Variants in KCNIP2 observed in about 807,000 individuals in gnomAD.
KCNIP2 encodes the protein potassium voltage-gated channel interacting protein 2, also known as A-type potassium channel modulatory protein KCNIP2.
Under a neutral mutation model 39.0 loss-of-function variants are expected in KCNIP2, and 19 were observed. The observed-to-expected ratio is 0.49, with a 90% CI of 0.34 to 0.71. The LOEUF (loss-of-function observed/expected upper bound fraction) is 0.71, where lower values mean the gene tolerates loss of function less well. Ranked by LOEUF, KCNIP2 falls within the 30% of genes least tolerant of loss-of-function variation. KCNIP2 has a pLI of 0.01. For synonymous variants in KCNIP2, 111 were observed against 131.2 expected (o/e 0.85, Z 1.05); for missense variants, 261 against 346.0 (o/e 0.75, Z 1.95).
intron 1 of KCNIP2, among the ~76,000 whole-genome samples, chr10:101,835,491 G>A (rs749318923): frequency 2.0e-5 from 3 of 152,116 alleles, no homozygotes; most frequent in African/African-American, 4.8e-5. Flanking sequence ...TATGTGGCTG[G>A]GACCTCATCC....
chr10:101,828,020 C>G lies in KCNIP2; in HGVS notation c.598-27G>C, dbSNP rs768461287. 6.3e-7 allele frequency: 1 copy of G among 1,593,630 alleles called. No individual in the cohort carries two copies. Among genetic ancestry groups the G allele is most frequent in the Non-Finnish European group, 8.6e-7 (1 of 1,161,332 alleles). On this transcript the variant is annotated intron_variant, in intron 7 of 9. Coordinates refer to ENST00000356640, the MANE Select transcript of KCNIP2 (RefSeq NM_173191.3). This position sits in a 1 kb window ranked among gnomAD's most constrained non-coding sequence, Gnocchi z 6.6. ...TGTTAGGCCAAGAGAGAAGAGGATCCTTCCTCAGAGCCTCCAGCCTCCCTT... is the reference window on the plus strand; with the variant it reads ...TGTTAGGCCAAGAGAGAAGAGGATCGTTCCTCAGAGCCTCCAGCCTCCCTT...
At chr10:101,834,404 G>C in intron 1 of KCNIP2, 1 of 399,148 alleles carries the variant, frequency 2.5e-6, no homozygotes. Context: ...CAGGGCCCAG[G>C]TTCAGATACG....
chr10:101,829,755 CCAACGTCCAGCCCCCAG>C, intron 3 of KCNIP2, 72 bp downstream of exon 3: 1 of 152,288 alleles, frequency 6.6e-6, no homozygotes. Context: ...TGCCCCGCCC[CCAACGTCCAGCCCCCAG>C]GCAAGTGCCC....
chr10:101,840,067 G>A (rs1002150886), intron 1 of KCNIP2, among the ~76,000 whole-genome samples: 1 of 151,766 alleles, frequency 6.6e-6, no homozygotes, highest in Non-Finnish European at 1.5e-5. Context: ...CGGGGGGGGG[G>A]GGTGGCGGGG....
At chr10:101,829,564 CT>C in intron 3 of KCNIP2, 1 of 484,452 alleles carries the variant, frequency 2.1e-6, no homozygotes, top group Non-Finnish European at 3.6e-6. Context: ...AGCTCCGGGC[CT>C]TCGGGGACCA....
chr10:101,828,943 A>G lies in KCNIP2; in HGVS notation c.348+132T>C, dbSNP rs1438712854. ...CCCCGCCCCAGAACCTCCAGCTAGA[A>G]GTTCAGTCTCAGGGCCTTGCCTCCC... On this transcript the variant is annotated intron_variant, in intron 4 of 9. Coordinates refer to ENST00000356640, the MANE Select transcript of KCNIP2 (RefSeq NM_173191.3). This position sits in a 1 kb window ranked among gnomAD's most constrained non-coding sequence, Gnocchi z 6.6. 6.6e-6 allele frequency: 10 copies of G among 1,507,160 alleles called. No individual in the cohort carries two copies. The East Asian group carries it at 2.4e-4, about 37-fold the overall frequency. The allele number at this position is 1,507,160 out of a possible 1,614,324, so 93.4% of individuals were successfully genotyped here. A position where few individuals can be genotyped will look rare whatever the true frequency, so the allele number is the denominator to read the frequency against.
intron 1 of KCNIP2, among the ~76,000 whole-genome samples, chr10:101,842,777 A>C (rs2066370630): frequency 6.6e-6 from 1 of 152,176 alleles, no homozygotes; most frequent in East Asian, 1.9e-4. Flanking sequence ...CAGGGATGAG[A>C]CACGTCATAG....
intron 1 of KCNIP2, among the ~76,000 whole-genome samples, chr10:101,835,392 A>T (rs1048904824): frequency 6.6e-6 from 1 of 151,958 alleles, no homozygotes; most frequent in Admixed American, 6.6e-5. Flanking sequence ...CCCCATCAGG[A>T]CCCTCTGGGG....
intron 1 of KCNIP2, among the ~76,000 whole-genome samples, chr10:101,842,109 A>C (rs2066354079): frequency 6.6e-6 from 1 of 150,710 alleles, no homozygotes. Flanking sequence ...TCTCAATCTC[A>C]CTCCCCTCAG....
intron 3 of KCNIP2, 170 bp from the exon 4 acceptor site, chr10:101,829,369 G>A: frequency 1.2e-6 from 1 of 827,204 alleles, no homozygotes; most frequent in Non-Finnish European, 1.8e-6. Flanking sequence ...GAGAAAAGAT[G>A]ATGGCCATCT....
chr10:101,841,151 GGGGTGGGAGTGGGGAAGTAAAATGTTC>G (rs1424773946), intron 1 of KCNIP2, among the ~76,000 whole-genome samples: 1 of 152,218 alleles, frequency 6.6e-6, no homozygotes, highest in East Asian at 1.9e-4. Context: ...TTTTGAGCTT[GGGGTGGGAGTGGGGAAGTAAAATGTTC>G]GGAGGTACCC....
intron 2 of KCNIP2, among the ~76,000 whole-genome samples, chr10:101,830,833 C>A (rs531754181): frequency 1.3e-5 from 2 of 149,184 alleles, no homozygotes; most frequent in Non-Finnish European, 1.5e-5. Flanking sequence ...TAGGGCACGC[C>A]CCCCCACACA....
intron 1 of KCNIP2, among the ~76,000 whole-genome samples, chr10:101,835,910 A>G (rs1167400999): frequency 6.6e-6 from 1 of 152,244 alleles, no homozygotes; most frequent in Non-Finnish European, 1.5e-5. Context: ...AAGTTAAGCA[A>G]ATCTTCAAGA....
chr10:101,828,795 T>A lies in KCNIP2; in HGVS notation c.349-99A>T. 1 of 1,603,166 alleles carries A rather than the reference T, an allele frequency of 6.2e-7. No individual in the cohort carries two copies. The highest frequency in any genetic ancestry group is 8.5e-7 in the Non-Finnish European group (1 of 1,174,614). Reference sequence around the variant, plus strand: ...CCAAGACTCCCAGGGAGGGGGATAATCTTCAAGCCTCCAGAGGACTCACCA... The same window carrying A: ...CCAAGACTCCCAGGGAGGGGGATAAACTTCAAGCCTCCAGAGGACTCACCA... On this transcript the variant is annotated intron_variant, in intron 4 of 9. Coordinates refer to ENST00000356640, the MANE Select transcript of KCNIP2 (RefSeq NM_173191.3). This position sits in a 1 kb window ranked among gnomAD's most constrained non-coding sequence, Gnocchi z 6.6.
At position 101,831,100 on chromosome 10, in the gene KCNIP2, C is replaced by T; in HGVS notation, c.141G>A (p.Gly47=). The change falls in exon 2 of 10, where the codon GGG becomes GGA. Residue 47 remains glycine (G), a synonymous_variant. Coordinates refer to ENST00000356640, the MANE Select transcript of KCNIP2 (RefSeq NM_173191.3). Reference sequence around the variant, plus strand: ...CACTGACTGAGGGCAGGGCTTGGGGCCCGCAGCACGGCAGCAGCTTGAGGA... The same window carrying T: ...CACTGACTGAGGGCAGGGCTTGGGGTCCGCAGCACGGCAGCAGCTTGAGGA... The part of the protein sequence containing the change: ...QRFLKLLPCC[G]PQALPSVSET... 2 of 1,613,750 alleles carry T rather than the reference C, an allele frequency of 1.2e-6. No homozygotes were observed. The highest frequency in any genetic ancestry group is 1.7e-6 in the Non-Finnish European group (2 of 1,179,934).
In KCNIP2 at chr10:101,826,723, G is replaced by T; in HGVS notation, c.*630C>A. ...GGAGACAAGGTCTTCTGCAAAGCCT[G>T]GAAACTTATATTTTGATGGCCTGTG... is the stretch of plus-strand genomic sequence containing the variant. On this transcript the variant is annotated 3_prime_UTR_variant, in exon 10 of 10. Coordinates refer to ENST00000356640, the MANE Select transcript of KCNIP2 (RefSeq NM_173191.3). 1 of 152,408 alleles carries T rather than the reference G, an allele frequency of 6.6e-6. No homozygotes were observed. 9.4% of individuals were successfully genotyped at this position (152,408 alleles called of 1,614,324 possible).
At position 101,834,124 on chromosome 10, in the gene KCNIP2, C is replaced by CTA. The variant is rs1384265166; in HGVS notation, c.74-2959_74-2958dup. On this transcript the variant is annotated intron_variant, in intron 1 of 9. Transcript: ENST00000356640. ...CAGATGTTGTATCCCCCAAGCACCC[C>CTA]TACTCACCTCCCAGATCCCTGTGCC... 18 of 396,624 alleles carry CTA rather than the reference C, an allele frequency of 4.5e-5. 1 individual carries two copies. In the East Asian group the frequency reaches 6.4e-4, roughly 14 times the overall value. 24.6% of individuals were successfully genotyped at this position (396,624 alleles called of 1,614,324 possible).
chr10:101,829,357 A>T, intron 3 of KCNIP2, 158 bp from the exon 4 acceptor site: 1 of 931,346 alleles, frequency 1.1e-6, no homozygotes, highest in Non-Finnish European at 1.5e-6. Flanking sequence ...CACTGAGGTA[A>T]GGAGAAAAGA....
intron 1 of KCNIP2, chr10:101,839,943 C>G: frequency 8.7e-7 from 1 of 1,148,082 alleles, no homozygotes; most frequent in Non-Finnish European, 1.2e-6. Flanking sequence ...GCGGGAGGGC[C>G]GGCCCGGCAG....
Sources: gnomAD v4.1 joint callset for allele counts (sites outside exome capture counted in the v4.1 genomes callset) on GRCh38, gnomAD v4.1.1 for gene constraint, Gnocchi (gnomAD v3.1) non-coding constraint, MANE v1.5 for transcripts, NCBI Gene and HGNC (gene_info 2026-07-23, HGNC 2026-07-21) for gene names.